Variants in NCALD observed in about 807,000 individuals in gnomAD.
NCALD encodes the protein neurocalcin-delta.
A neutral mutation model predicts 18.6 loss-of-function variants in NCALD; 10 were observed. The ratio of observed to expected loss-of-function variants is 0.54; its 90% CI spans 0.33 to 0.91. NCALD has a LOEUF of 0.91. NCALD is among the 40% of genes least tolerant of loss of function. The probability of loss-of-function intolerance (pLI) is 0.03; values close to 1 mark genes in which losing one functional copy is unlikely to be tolerated. For missense variants in NCALD, 184 were observed against 247.6 expected, an observed-to-expected ratio of 0.74 and a Z score of 1.72; for synonymous variants, 88 against 87.4, an observed-to-expected ratio of 1.01 and a Z score of -0.04.
chr8:101,778,562 T>C (rs1586479005), intron 1 of NCALD, among the ~76,000 whole-genome samples: 1 of 151,974 alleles, frequency 6.6e-6, no homozygotes, highest in African/African-American at 2.4e-5. Flanking sequence ...TTTACAAAGA[T>C]GCTCAGTGGA....
chr8:101,811,086 G>A (rs184618158), intron 4 of NCALD, among the ~76,000 whole-genome samples: 1 of 152,258 alleles, frequency 6.6e-6, no homozygotes, highest in East Asian at 1.9e-4. Flanking sequence ...GTGATAAGCA[G>A]ATTCATGCTC....
At chr8:101,710,781 A>G (rs989787970) in intron 2 of NCALD, among the ~76,000 whole-genome samples, 7 of 152,246 alleles carry the variant, frequency 4.6e-5, no homozygotes, top group Non-Finnish European at 8.8e-5. Flanking sequence ...GCTTATAGAT[A>G]AAACTCTCAT....
chr8:101,798,982 G>A (rs1484951333), intron 4 of NCALD, among the ~76,000 whole-genome samples: 1 of 152,140 alleles, frequency 6.6e-6, no homozygotes, highest in African/African-American at 2.4e-5. Context: ...TGATAATATA[G>A]ACAAGGACCT....
At chr8:101,884,782 A>G (rs1816615452) in intron 4 of NCALD, among the ~76,000 whole-genome samples, 1 of 152,142 alleles carries the variant, frequency 6.6e-6, no homozygotes, top group Non-Finnish European at 1.5e-5. Context: ...GTTGGCAGGG[A>G]ATCAATTACT....
chr8:101,994,020 G>A (rs77299300), intron 2 of NCALD, among the ~76,000 whole-genome samples: 1,929 of 152,298 alleles, frequency 0.013, 42 homozygotes, highest in African/African-American at 0.044. Context: ...TAACTTATGA[G>A]GAGGTAGACA....
chr8:101,976,842 T>C (rs966565517), intron 2 of NCALD, among the ~76,000 whole-genome samples: 1 of 152,134 alleles, frequency 6.6e-6, no homozygotes, highest in African/African-American at 2.4e-5. Flanking sequence ...TCACAAAGTT[T>C]ATTCTTAAAT....
At chr8:101,981,766 A>AAC (rs3056900) in intron 2 of NCALD, among the ~76,000 whole-genome samples, 28,368 of 152,054 alleles carry the variant, frequency 0.19, 3,402 homozygotes, top group African/African-American at 0.35. Flanking sequence ...TCTTTTTCTA[A>AAC]ACAGTCTTCA....
In NCALD at chr8:101,951,619, C is replaced by T. The variant is rs966339698; in HGVS notation, c.-156-35761G>A. 3.9e-5 allele frequency among the ~76,000 whole-genome samples: 6 copies of T among 152,214 alleles called. No homozygotes were observed. In the East Asian group the frequency reaches 5.8e-4, roughly 15 times the overall value. On this transcript the variant is annotated intron_variant, in intron 2 of 6. Transcript: ENST00000311028. ...TCTGGAGCAGGTGATTCCTAAAACA[C>T]TTCATGTGTGTATCATATTTTAACA...
At chr8:102,075,816 G>T (rs769096111) in intron 1 of NCALD, among the ~76,000 whole-genome samples, 2 of 151,974 alleles carry the variant, frequency 1.3e-5, no homozygotes, top group East Asian at 3.9e-4. Context: ...AGCCAAGCAC[G>T]GGGGTGAGCA....
rs75730250 is a variant in NCALD at position 101,748,946 on chromosome 8, G to A, written c.-19-29298C>T. ...GTTGGTGCCACAGGATAATCACTGT[G>A]CAATATGAGTGTGGTCTCTTTTGCT... On this transcript the variant is annotated intron_variant, in intron 1 of 3. Coordinates refer to ENST00000220931, the MANE Select transcript of NCALD (RefSeq NM_032041.3). Among the ~76,000 whole-genome samples the A allele has an allele frequency of 8.6e-3, 1,304 of 152,296 alleles. 33 individuals carry two copies. The highest frequency in any genetic ancestry group is 0.066 in the East Asian group (340 of 5,182).
intron 4 of NCALD, among the ~76,000 whole-genome samples, chr8:101,832,245 T>C (rs1419188033): frequency 6.6e-6 from 1 of 151,988 alleles, no homozygotes; most frequent in Non-Finnish European, 1.5e-5. Context: ...CAACTCCCTC[T>C]CTCCCACTCT....
intron 4 of NCALD, among the ~76,000 whole-genome samples, chr8:101,803,326 C>T (rs111478782): frequency 6.6e-6 from 1 of 152,166 alleles, no homozygotes; most frequent in East Asian, 1.9e-4. Flanking sequence ...TTGAGACCTA[C>T]TGCTCAGAAA....
chr8:101,856,244 T>C (rs915033181), intron 4 of NCALD, among the ~76,000 whole-genome samples: 7 of 152,192 alleles, frequency 4.6e-5, no homozygotes, highest in Admixed American at 4.6e-4. Context: ...TAATCTTGAC[T>C]CACTGCAACC....
chr8:102,056,198 G>T (rs555574726), intron 1 of NCALD, among the ~76,000 whole-genome samples: 5 of 152,238 alleles, frequency 3.3e-5, no homozygotes, highest in African/African-American at 1.2e-4. Flanking sequence ...CTCAATTTTT[G>T]AGAAAGAATT....
chr8:101,781,869 C>T (rs148293226), intron 1 of NCALD, among the ~76,000 whole-genome samples: 1 of 151,934 alleles, frequency 6.6e-6, no homozygotes, highest in African/African-American at 2.4e-5. Context: ...TTAAAGATGG[C>T]ATGCTCTGGT....
chr8:102,065,538 C>T (rs899400404), intron 1 of NCALD, among the ~76,000 whole-genome samples: 3 of 152,202 alleles, frequency 2.0e-5, no homozygotes, highest in African/African-American at 7.2e-5. Context: ...GGCATTGAGG[C>T]TGCACATTTT....
chr8:101,753,304 T>A (rs904598796), intron 1 of NCALD, among the ~76,000 whole-genome samples: 3 of 152,096 alleles, frequency 2.0e-5, no homozygotes, highest in African/African-American at 7.2e-5. Context: ...ATCAAGAGCG[T>A]AGATGGGAGA....
intron 4 of NCALD, among the ~76,000 whole-genome samples, chr8:101,836,468 C>G (rs1370825912): frequency 7.2e-5 from 11 of 152,170 alleles, no homozygotes; most frequent in Non-Finnish European, 1.6e-4. Flanking sequence ...TTGCAGTTTT[C>G]TGTGTCTTGG....
In NCALD at chr8:101,848,474, T is replaced by C. The variant is rs1814960311; in HGVS notation, c.-20+38667A>G. Among the ~76,000 whole-genome samples, 5 of 152,284 alleles carry C rather than the reference T, an allele frequency of 3.3e-5. No individual in the cohort carries two copies. The South Asian group carries it at 1.0e-3, about 32-fold the overall frequency. On this transcript the variant is annotated intron_variant, in intron 4 of 6. Transcript: ENST00000311028. ...AGAAGCTGTTGGACCCCTCAGAAGA[T>C]CCATATCCAAGATGCTTTCCAGACC...
Sources: gnomAD v4.1 joint callset for allele counts (sites outside exome capture counted in the v4.1 genomes callset) on GRCh38, gnomAD v4.1.1 for gene constraint, MANE v1.5 for transcripts, NCBI Gene and HGNC (gene_info 2026-07-23, HGNC 2026-07-21) for gene names.